The following MDN1 variants were observed in gnomAD, a reference collection of about 807,000 sequenced individuals.
The protein encoded by MDN1 is midasin.
Under a neutral mutation model 669.2 loss-of-function variants are expected in MDN1, and 266 were observed. The ratio of observed to expected loss-of-function variants is 0.40; its 90% CI spans 0.36 to 0.44. The LOEUF (loss-of-function observed/expected upper bound fraction) is 0.44. Among genes scored for constraint, MDN1 ranks in the 20% least tolerant of loss-of-function variants. MDN1 has a pLI of 1.00. For missense variants in MDN1, 5,940 were observed against 6,754.0 expected (o/e 0.88, Z 4.22); for synonymous variants, 2,385 against 2,457.1 (o/e 0.97, Z 0.87).
rs781472481 is a variant in MDN1 at position 89,685,944 on chromosome 6, C to T, written c.11602G>A (p.Val3868Ile). 1.2e-6 allele frequency: 2 copies of T among 1,612,806 alleles called. No individual in the cohort carries two copies. Among genetic ancestry groups the T allele is most frequent in the East Asian group, 2.2e-5 (1 of 44,884 alleles). Residue 3868 changes from valine (V) to isoleucine (I), a missense_variant, in exon 70 of 102, where the codon GTC becomes ATC. Physicochemically the swap from Val to Ile is conservative, Grantham distance 29. Coordinates refer to ENST00000369393, the MANE Select transcript of MDN1 (RefSeq NM_014611.3). ...DDKQMTLMLL[V>I]STLQAFIEGS... ...TCAATAAATGCTTGTAATGTGCTGA[C>T]CAGCAACATCAAGGTCATCTGTTTG...
intron 90 of MDN1, among the ~76,000 whole-genome samples, chr6:89,657,624 C>T (rs987913909): frequency 1.4e-4 from 21 of 152,198 alleles, no homozygotes; most frequent in African/African-American, 5.1e-4. Flanking sequence ...CAACACGAAC[C>T]TGATTCTCCC....
At chr6:89,813,233 G>A (rs556086268) in intron 1 of MDN1, among the ~76,000 whole-genome samples, 6 of 152,198 alleles carry the variant, frequency 3.9e-5, no homozygotes, top group Admixed American at 2.0e-4. Context: ...CATCGTGCCC[G>A]GCCACAAAAT....
At chr6:89,792,837 G>A (rs1044144388) in intron 5 of MDN1, among the ~76,000 whole-genome samples, 5 of 152,000 alleles carry the variant, frequency 3.3e-5, no homozygotes, top group African/African-American at 1.2e-4. Context: ...GGCCAACATA[G>A]TGAAATTCCG....
intron 31 of MDN1, among the ~76,000 whole-genome samples, chr6:89,741,580 G>C (rs1293233306): frequency 6.6e-6 from 1 of 151,494 alleles, no homozygotes; most frequent in Non-Finnish European, 1.5e-5. Flanking sequence ...CTTCCCAATT[G>C]CTCCTATAAG....
At chr6:89,756,245 G>C (rs1244453287) in intron 20 of MDN1, 32 bp downstream of exon 20, 5 of 1,063,010 alleles carry the variant, frequency 4.7e-6, no homozygotes, top group Non-Finnish European at 5.5e-6. Flanking sequence ...TTCAGAGAAA[G>C]AGCTTATAAA....
At chr6:89,648,467 C>T in intron 97 of MDN1, 138 bp from the exon 98 acceptor site, 1 of 737,346 alleles carries the variant, frequency 1.4e-6, no homozygotes, top group South Asian at 1.7e-5. Context: ...AGTAAGGCTA[C>T]TATAGTCACA....
intron 84 of MDN1, among the ~76,000 whole-genome samples, chr6:89,666,476 G>C (rs1026149623): frequency 3.3e-5 from 5 of 151,898 alleles, no homozygotes; most frequent in African/African-American, 1.2e-4. Context: ...TGTTGGCCAG[G>C]CTGGGTTTTG....
At chr6:89,756,027 C>A (rs1817226583) in intron 20 of MDN1, among the ~76,000 whole-genome samples, 1 of 152,156 alleles carries the variant, frequency 6.6e-6, no homozygotes, top group African/African-American at 2.4e-5. Context: ...TAGAGGTAAT[C>A]AGGAGAGCAT....
chr6:89,690,534 G>T, intron 64 of MDN1, 139 bp downstream of exon 64: 1 of 1,097,394 alleles, frequency 9.1e-7, no homozygotes, highest in Non-Finnish European at 1.3e-6. Context: ...CTCCAGCCTG[G>T]GTGATAGAGC....
intron 96 of MDN1, 141 bp from the exon 97 acceptor site, chr6:89,650,339 T>C: frequency 2.5e-6 from 2 of 793,758 alleles, no homozygotes; most frequent in Non-Finnish European, 3.9e-6. Flanking sequence ...TTCTGTCAAT[T>C]GACGACTAAG....
chr6:89,722,930 T>C, intron 40 of MDN1, 25 bp downstream of exon 40: 1 of 1,582,342 alleles, frequency 6.3e-7, no homozygotes, highest in Non-Finnish European at 8.6e-7. Context: ...TGGAAAGAAA[T>C]ACAAATACCA....
At position 89,771,589 on chromosome 6, in the gene MDN1, G is replaced by T. The variant is rs376724095; in HGVS notation, c.2116C>A (p.Gln706Lys). ...CCAAGCAAGTCTGCAGTATCACTTT[G>T]TTGATTCATATTGACAACCCTCAAA... ...HRLRVVNMNQ[Q>K]SDTADLLGGY... Residue 706 changes from glutamine (Q) to lysine (K), a missense_variant, in exon 15 of 102, where the codon CAA (glutamine) becomes AAA (lysine). By Grantham distance (53) the Gln-to-Lys change is moderately conservative. Transcript: ENST00000369393. 296 of 1,613,986 alleles carry T rather than the reference G, an allele frequency of 1.8e-4. 2 individuals carry two copies. In the South Asian group the frequency reaches 3.0e-3, roughly 17 times the overall value.
In MDN1 at chr6:89,708,517, A is replaced by C; in HGVS notation, c.7877T>G (p.Leu2626Arg). The C allele has an allele frequency of 6.2e-7, 1 of 1,613,976 alleles. No homozygotes were observed. The highest frequency in any genetic ancestry group is 8.5e-7 in the Non-Finnish European group (1 of 1,179,940). Residue 2626 changes from leucine (L) to arginine (R), a missense_variant, in exon 51 of 102, where the codon CTT (leucine) becomes CGT (arginine). By Grantham distance (102) the Leu-to-Arg change is moderately radical (BLOSUM62 -2). Around this residue, in one of 5 missense-constraint regions of MDN1, gnomAD observed 2,292 missense variants for 2,638.3 expected, o/e 0.87. Transcript: ENST00000369393. The stretch of plus-strand genomic sequence containing the variant: ...TTACTTGTTTGCAGCTGATTCTAAA[A>C]GGGCAAAGAGCTGGTCAGGCTGGTC... Reference protein sequence around the residue: ...QTDQPDQLFALLESAANKTII... With the variant: ...QTDQPDQLFARLESAANKTII...
chr6:89,650,721 G>A lies in MDN1; in HGVS notation c.16031+11C>T. 1 of 1,607,804 alleles carries A rather than the reference G, an allele frequency of 6.2e-7. No individual in the cohort carries two copies. The highest frequency in any genetic ancestry group is 8.5e-7 in the Non-Finnish European group (1 of 1,174,700). On this transcript the variant is annotated intron_variant, in intron 96 of 101. Transcript: ENST00000369393. ...AGGGCACTGTGAGGCCTTCCAGAGG[G>A]GAAGACTTACTTCAGCTTGGCTGCC...
At chr6:89,702,120 A>T in intron 53 of MDN1, 59 bp from the exon 54 acceptor site, 1 of 1,520,686 alleles carries the variant, frequency 6.6e-7, no homozygotes, top group Non-Finnish European at 8.8e-7. Context: ...AAGAAGAAAA[A>T]TAAAAACAAA....
At chr6:89,672,855 G>A (rs546691506) in intron 80 of MDN1, among the ~76,000 whole-genome samples, 153 bp from the exon 81 acceptor site, 2 of 152,146 alleles carry the variant, frequency 1.3e-5, no homozygotes, top group South Asian at 4.1e-4. Flanking sequence ...TCCTTGCCTC[G>A]ATAAACCTAC....
In MDN1 at chr6:89,683,182, G is replaced by T. The variant is rs771817193; in HGVS notation, c.12052C>A (p.Leu4018Met). Residue 4018 changes from leucine to methionine, a missense_variant, in exon 73 of 102, where the codon CTG (leucine) becomes ATG (methionine). Physicochemically the swap from Leu to Met is conservative, Grantham distance 15. This residue lies in a region of MDN1 where 2,280 missense variants were observed against 2,576.3 expected (regional missense o/e 0.88). Transcript: ENST00000369393. ...AGGGTCTCCCTCAGTGCCCTGTTCA[G>T]ATTCTGAATGGAAGACAGTTCACTT... The part of the protein sequence containing the change: ...AASELSSIQN[L>M]NRALRETLLA... 55 of 1,614,042 alleles carry T rather than the reference G, an allele frequency of 3.4e-5. No homozygotes were observed. Among genetic ancestry groups the T allele is most frequent in the South Asian group, 6.6e-5 (6 of 91,086 alleles).
In MDN1 at chr6:89,784,752, G is replaced by A. The variant is rs998862260; in HGVS notation, c.1449+260C>T. ...AATTCAATGATACTGAGGAATTACT[G>A]TTCATTTTATTGTGTATAATAATGT... On this transcript the variant is annotated intron_variant, in intron 9 of 101. Transcript: ENST00000369393. Among the ~76,000 whole-genome samples the A allele has an allele frequency of 6.6e-5, 10 of 152,210 alleles. 1 individual carries two copies. Among genetic ancestry groups the A allele is most frequent in the East Asian group, 3.9e-4 (2 of 5,184 alleles).
rs746656400 is a variant in MDN1 at position 89,671,015 on chromosome 6, G to A, written c.13860C>T (p.Leu4620=). 5.6e-6 allele frequency: 9 copies of A among 1,614,012 alleles called. No individual in the cohort carries two copies. The highest frequency in any genetic ancestry group is 4.4e-5 in the South Asian group (4 of 91,082). ...AAGACATGGTCAGGAAGAAGAGGAC[G>A]AGGTCTGAGTAGCTGGAGAGGACCG... ...LVPVLSSYSD[L]VLFFLTMSLA... Residue 4620 remains leucine, a synonymous_variant, in exon 83 of 102, where the codon CTC becomes CTT. Coordinates refer to ENST00000369393, the MANE Select transcript of MDN1 (RefSeq NM_014611.3).
Sources: allele counts gnomAD v4.1 joint callset (sites outside exome capture counted in the v4.1 genomes callset), GRCh38; gene constraint gnomAD v4.1.1; regional missense constraint gnomAD v4.1.1; transcripts MANE v1.5; gene names NCBI Gene and HGNC (gene_info 2026-07-23, HGNC 2026-07-21).